The following ANK3 variants were observed in gnomAD, a reference collection of about 807,000 sequenced individuals.
ANK3 encodes ankyrin-3.
A neutral mutation model predicts 370.9 loss-of-function variants in ANK3; 57 were observed. The observed-to-expected ratio is 0.15, with a 90% confidence interval of 0.12 to 0.19. The LOEUF is 0.19. ANK3 is among the 10% of genes least tolerant of loss of function. ANK3 has a pLI of 1.00. For synonymous variants in ANK3, 1,929 were observed against 1,946.3 expected, an observed-to-expected ratio of 0.99 and a Z score of 0.23; for missense variants, 4,439 against 5,302.1, an observed-to-expected ratio of 0.84 and a Z score of 5.06.
chr10:60,069,963 C>T lies in ANK3; in HGVS notation c.10918G>A (p.Glu3640Lys), dbSNP rs1256993204. The part of the protein sequence containing the change: ...QFFQIGEHTS[E>K]GKSGDQGEGD... ...TCCCCCTGGTCCCCTGACTTCCCTT[C>T]AGAAGTATGCTCACCAATCTGGAAA... Residue 3640 changes from glutamate to lysine, a missense_variant, in exon 37 of 44, where the codon GAA becomes AAA. By Grantham distance (56) the Glu-to-Lys change is moderately conservative. Coordinates refer to ENST00000280772, the MANE Select transcript of ANK3 (RefSeq NM_020987.5). 3 of 1,614,152 alleles carry T rather than the reference C, an allele frequency of 1.9e-6. No homozygotes were observed. The highest frequency in any genetic ancestry group is 2.5e-6 in the Non-Finnish European group (3 of 1,180,010).
In ANK3 at chr10:60,035,150, G is replaced by A. The variant is rs149753086; in HGVS notation, c.*20-5324C>T. ...ATTTATTCTAAACTGTTCTAAAGTG[G>A]ATTAGCTAATTTAATCCGAATAACC... On this transcript the variant is annotated intron_variant, in intron 43 of 43. Transcript: ENST00000280772. Among the ~76,000 whole-genome samples, 10 of 152,152 alleles carry A rather than the reference G, an allele frequency of 6.6e-5. No homozygotes were observed. In the East Asian group the frequency reaches 1.4e-3, roughly 21 times the overall value.
rs570043015 is a variant in ANK3 at position 60,695,722 on chromosome 10, T to C, written c.57+37541A>G. On this transcript the variant is annotated intron_variant, in intron 1 of 43. Transcript: ENST00000373827. ...AACCAATGAGAACAAAGACACAACA[T>C]ACCAGAATCTCTGGGATGCATTCAA... 9.2e-4 allele frequency among the ~76,000 whole-genome samples: 140 copies of C among 152,288 alleles called. 1 individual carries two copies. The highest frequency in any genetic ancestry group is 6.8e-3 in the Middle Eastern group (2 of 294).
intron 1 of ANK3, among the ~76,000 whole-genome samples, chr10:60,311,988 G>A (rs2046447582): frequency 6.6e-6 from 1 of 152,086 alleles, no homozygotes; most frequent in Non-Finnish European, 1.5e-5. Flanking sequence ...CAGGACTTTT[G>A]TCCATCTTGT....
chr10:60,169,544 A>G (rs1004362154), intron 21 of ANK3, among the ~76,000 whole-genome samples: 2 of 151,966 alleles, frequency 1.3e-5, no homozygotes, highest in Non-Finnish European at 2.9e-5. Context: ...AGGTTTCTCC[A>G]TTGTAAAGTT....
At chr10:60,199,992 G>C in intron 13 of ANK3, 137 bp downstream of exon 13, 1 of 636,622 alleles carries the variant, frequency 1.6e-6, no homozygotes, top group South Asian at 2.0e-5. Flanking sequence ...ATGTTACTTG[G>C]GTAGGGACTT....
chr10:60,610,959 G>A (rs1032927130), intron 2 of ANK3, among the ~76,000 whole-genome samples: 2 of 152,190 alleles, frequency 1.3e-5, no homozygotes, highest in Non-Finnish European at 2.9e-5. Context: ...AGAATTCTAA[G>A]CTAGTGGGCT....
At chr10:60,516,309 T>A in intron 2 of ANK3, among the ~76,000 whole-genome samples, 1 of 152,054 alleles carries the variant, frequency 6.6e-6, no homozygotes, top group East Asian at 1.9e-4. Context: ...AACCTACTTG[T>A]AACACAAATC....
chr10:60,223,942 C>CTTT (rs547189220), intron 8 of ANK3, among the ~76,000 whole-genome samples: 5,732 of 145,216 alleles, frequency 0.039, 358 homozygotes, highest in African/African-American at 0.13. Context: ...TAGAGCCACG[C>CTTT]TTTTTTTTTT....
chr10:60,728,421 G>A (rs1037914937), intron 1 of ANK3, among the ~76,000 whole-genome samples: 15 of 151,260 alleles, frequency 9.9e-5, no homozygotes, highest in South Asian at 4.2e-4. Flanking sequence ...CTGAGAAAAC[G>A]AAATCATTTT....
In ANK3 at chr10:60,618,211, C is replaced by A. The variant is rs181072235; in HGVS notation, c.58-2987G>T. 9.9e-4 allele frequency among the ~76,000 whole-genome samples: 151 copies of A among 152,224 alleles called. 1 individual carries two copies. Among genetic ancestry groups the A allele is most frequent in the South Asian group, 2.5e-3 (12 of 4,826 alleles). ...TTTCCATTGCAACCATGCCACCATG[C>A]TATAATGTAGTCAGTCTCCAACCCA... On this transcript the variant is annotated intron_variant, in intron 1 of 43. Coordinates refer to the ANK3 transcript ENST00000373827.
intron 1 of ANK3, among the ~76,000 whole-genome samples, chr10:60,664,376 G>C (rs1035004836): frequency 2.0e-5 from 3 of 152,194 alleles, no homozygotes; most frequent in African/African-American, 7.2e-5. Context: ...TCTTAAATCT[G>C]AGACACAAAA....
At chr10:60,292,689 C>T (rs964763023) in intron 1 of ANK3, among the ~76,000 whole-genome samples, 1 of 150,220 alleles carries the variant, frequency 6.7e-6, no homozygotes, top group Non-Finnish European at 1.5e-5. Flanking sequence ...AAACATAAAG[C>T]CACTGGGGTC....
At chr10:60,554,049 C>A (rs2133237100) in intron 2 of ANK3, among the ~76,000 whole-genome samples, 1 of 152,258 alleles carries the variant, frequency 6.6e-6, no homozygotes, top group South Asian at 2.1e-4. Flanking sequence ...GTTGGCAAGA[C>A]TGGCTCCAAT....
intron 1 of ANK3, among the ~76,000 whole-genome samples, chr10:60,682,657 T>G (rs1026691999): frequency 1.3e-5 from 2 of 152,162 alleles, no homozygotes; most frequent in African/African-American, 4.8e-5. Flanking sequence ...AGGGAAGGAA[T>G]GTTGATGTCC....
chr10:60,580,318 A>C (rs2077733977), intron 2 of ANK3, among the ~76,000 whole-genome samples: 1 of 152,188 alleles, frequency 6.6e-6, no homozygotes, highest in African/African-American at 2.4e-5. Flanking sequence ...GTGATTGGAG[A>C]GCCACAGGTG....
intron 38 of ANK3, among the ~76,000 whole-genome samples, chr10:60,065,385 A>G (rs1270368248): frequency 1.3e-5 from 2 of 152,204 alleles, no homozygotes; most frequent in African/African-American, 4.8e-5. Context: ...AATGATAACA[A>G]AAAGTAAGAA....
rs912386365 is a variant in ANK3, at chr10:60,468,860, T to G, written c.96+146326A>C. On this transcript the variant is annotated intron_variant, in intron 2 of 43. Coordinates refer to the ANK3 transcript ENST00000373827. ...GCTAAAATGAAATACTGAGACAGAC[T>G]TGTCTTTTTAATATTCTAATATTTC... Among the ~76,000 whole-genome samples the G allele has an allele frequency of 4.6e-5, 7 of 151,098 alleles. No individual in the cohort carries two copies. The East Asian group carries it at 1.4e-3, about 29-fold the overall frequency.
chr10:60,389,453 C>A lies in ANK3; in HGVS notation c.86G>T (p.Arg29Leu), dbSNP rs373407780. The A allele has an allele frequency of 8.1e-6, 13 of 1,613,838 alleles. No individual in the cohort carries two copies. The highest frequency in any genetic ancestry group is 2.2e-5 in the East Asian group (1 of 44,888). ...TTTCTTCCGATCCCGGGACCGTTTGCGGTGTTTCCTTTTTTTCTCAGGCTC... is the reference window on the plus strand; with the variant it reads ...TTTCTTCCGATCCCGGGACCGTTTGAGGTGTTTCCTTTTTTTCTCAGGCTC... ...EEEPEKKRKH[R>L]KRSRDRKKKS... is the part of the protein sequence containing the mutation. Residue 29 changes from arginine (R) to leucine (L), a missense_variant, in exon 1 of 44, where the codon CGC becomes CTC. Coordinates refer to ENST00000280772, the MANE Select transcript of ANK3 (RefSeq NM_020987.5).
chr10:60,071,828 G>T lies in ANK3; in HGVS notation c.9053C>A (p.Thr3018Asn), dbSNP rs143903352. Reference protein sequence around the residue: ...HFNSIEDEKVTYSEISKVSKH... With the variant: ...HFNSIEDEKVNYSEISKVSKH... ...GGAAACTTTGCTGATTTCTGAATAG[G>T]TAACTTTTTCATCTTCTATAGAATT... The change falls in exon 37 of 44, where the codon ACC (threonine) becomes AAC (asparagine). Residue 3018 changes from threonine to asparagine, a missense_variant. This residue lies in a region of ANK3 where 1,601 missense variants were observed against 1,731.7 expected (regional missense o/e 0.92). Transcript: ENST00000280772. 1.7e-5 allele frequency: 27 copies of T among 1,612,538 alleles called. No individual in the cohort carries two copies. The highest frequency in any genetic ancestry group is 2.1e-5 in the Non-Finnish European group (25 of 1,179,324).
Sources: allele counts gnomAD v4.1 joint callset (sites outside exome capture counted in the v4.1 genomes callset), GRCh38; gene constraint gnomAD v4.1.1; regional missense constraint gnomAD v4.1.1; transcripts MANE v1.5; gene names NCBI Gene and HGNC (gene_info 2026-07-23, HGNC 2026-07-21).